CDYL2: variants seen among roughly 807,000 people sequenced by gnomAD.
CDYL2 encodes chromodomain Y like 2, also known as chromodomain Y-like protein 2.
Under a neutral mutation model 49.4 loss-of-function variants are expected in CDYL2, and 23 were observed. The observed-to-expected ratio is 0.47, with a 90% confidence interval of 0.34 to 0.66. The LOEUF is 0.66. Among genes scored for constraint, CDYL2 ranks in the 30% least tolerant of loss-of-function variants. The pLI, the probability that CDYL2 is intolerant of heterozygous loss-of-function variation, is 0.01. For missense variants in CDYL2, 678 were observed against 656.4 expected, an observed-to-expected ratio of 1.03 and a Z score of -0.36; for synonymous variants, 360 against 268.8, an observed-to-expected ratio of 1.34 and a Z score of -3.32.
chr16:80,613,208 G>C (rs557591077), intron 4 of CDYL2, among the ~76,000 whole-genome samples: 1 of 152,222 alleles, frequency 6.6e-6, no homozygotes, highest in Non-Finnish European at 1.5e-5. Context: ...TTAAGGTGCA[G>C]AAGCAGAACC....
intron 1 of CDYL2, among the ~76,000 whole-genome samples, chr16:80,797,214 G>A (rs889362112): frequency 6.6e-6 from 1 of 152,142 alleles, no homozygotes; most frequent in Admixed American, 6.5e-5. Flanking sequence ...ACTTGCTGCT[G>A]TGGACGTCTG....
At chr16:80,763,063 G>A (rs1055867542) in intron 1 of CDYL2, among the ~76,000 whole-genome samples, 2 of 152,270 alleles carry the variant, frequency 1.3e-5, no homozygotes, top group East Asian at 1.9e-4. Context: ...AGCTACTTGG[G>A]AGGCTGAGGC....
intron 1 of CDYL2, among the ~76,000 whole-genome samples, chr16:80,711,058 G>A (rs1038338945): frequency 6.6e-6 from 1 of 152,182 alleles, no homozygotes; most frequent in African/African-American, 2.4e-5. Context: ...TAGTCCCTTT[G>A]CAACTCACAA....
At chr16:80,609,468 G>A (rs1906498529) in intron 5 of CDYL2, among the ~76,000 whole-genome samples, 1 of 152,224 alleles carries the variant, frequency 6.6e-6, no homozygotes, top group Admixed American at 6.5e-5. Flanking sequence ...TCACGCCAGA[G>A]TAGAGGGCAA....
In CDYL2 at chr16:80,684,729, C is replaced by G; in HGVS notation, c.425G>C (p.Ser142Thr). The change falls in exon 2 of 7, where the codon AGT becomes ACT. Residue 142 changes from serine to threonine, a missense_variant. By Grantham distance (58) the Ser-to-Thr change is moderately conservative (BLOSUM62 1). Around this residue, in one of 3 missense-constraint regions of CDYL2, gnomAD observed 478 missense variants for 427.0 expected, o/e 1.12. Transcript: ENST00000570137. Reference protein sequence around the residue: ...TKTVSYRTTPSGLQIMPLKKS... With the variant: ...TKTVSYRTTPTGLQIMPLKKS... The stretch of plus-strand genomic sequence containing the variant: ...TTTCAGGGGCATTATTTGCAAACCA[C>G]TGGGGGTAGTCCTGTAAGACACCGT... The G allele has an allele frequency of 6.2e-7, 1 of 1,614,174 alleles. No homozygotes were observed. Among genetic ancestry groups the G allele is most frequent in the East Asian group, 2.2e-5 (1 of 44,870 alleles).
At chr16:80,659,043 G>A (rs1469878013) in intron 2 of CDYL2, among the ~76,000 whole-genome samples, 2 of 147,866 alleles carry the variant, frequency 1.4e-5, no homozygotes, top group Admixed American at 6.9e-5. Context: ...TTGTACTCAC[G>A]ATAGAGGTGA....
intron 1 of CDYL2, among the ~76,000 whole-genome samples, chr16:80,732,679 G>A (rs1439769182): frequency 4.6e-5 from 7 of 152,178 alleles, no homozygotes; most frequent in Admixed American, 4.6e-4. Context: ...TAACTAAGTA[G>A]ATTAATGTAT....
intron 4 of CDYL2, 64 bp downstream of exon 4, chr16:80,620,699 C>G (rs139706911): frequency 7.1e-7 from 1 of 1,407,630 alleles, no homozygotes; most frequent in Non-Finnish European, 9.5e-7. Context: ...AACTGAGCAG[C>G]CTGTATTTTT....
chr16:80,712,157 G>C (rs1414960505), intron 1 of CDYL2, among the ~76,000 whole-genome samples: 2 of 134,480 alleles, frequency 1.5e-5, no homozygotes, highest in African/African-American at 2.8e-5. Flanking sequence ...GTATATACAT[G>C]TGTGTATATA....
intron 2 of CDYL2, among the ~76,000 whole-genome samples, chr16:80,668,106 G>A (rs1909345414): frequency 6.6e-6 from 1 of 152,250 alleles, no homozygotes; most frequent in Admixed American, 6.5e-5. Context: ...TCCCTTTGTA[G>A]GCAGCCCAGA....
chr16:80,723,697 A>G (rs1438090277), intron 1 of CDYL2, among the ~76,000 whole-genome samples: 1 of 152,246 alleles, frequency 6.6e-6, no homozygotes, highest in East Asian at 1.9e-4. Flanking sequence ...CAGCTGTGCC[A>G]TTCGTTTACA....
intron 2 of CDYL2, among the ~76,000 whole-genome samples, chr16:80,684,255 T>C (rs746907730): frequency 3.3e-4 from 51 of 152,272 alleles, no homozygotes; most frequent in Admixed American, 6.5e-4. Flanking sequence ...GGGGTTACCA[T>C]GGCCTTGGGT....
At position 80,601,601 on chromosome 16, in the gene CDYL2, C is replaced by G. The variant is rs1273155283; in HGVS notation, c.*2787G>C. On this transcript the variant is annotated 3_prime_UTR_variant, in exon 7 of 7. Transcript: ENST00000570137. Reference sequence around the variant, plus strand: ...AAAGCTATTAGGATAAACCCTGACACAACCAGAGGTCTGGTATTTTCCATC... The same window carrying G: ...AAAGCTATTAGGATAAACCCTGACAGAACCAGAGGTCTGGTATTTTCCATC... 1 of 152,160 alleles carries G rather than the reference C, an allele frequency of 6.6e-6. No individual in the cohort carries two copies. Among genetic ancestry groups the G allele is most frequent in the East Asian group, 1.9e-4 (1 of 5,190 alleles). 9.4% of individuals were successfully genotyped at this position (152,160 alleles called of 1,614,324 possible). A position where few individuals can be genotyped will look rare whatever the true frequency, so the allele number is the denominator to read the frequency against.
intron 2 of CDYL2, among the ~76,000 whole-genome samples, chr16:80,660,113 C>T (rs182135702): frequency 5.9e-4 from 89 of 152,058 alleles, no homozygotes; most frequent in African/African-American, 1.8e-3. Flanking sequence ...TAAAGGACCA[C>T]ATAAATGGAC....
intron 2 of CDYL2, among the ~76,000 whole-genome samples, chr16:80,675,543 C>A (rs1425352979): frequency 6.6e-6 from 1 of 152,180 alleles, no homozygotes; most frequent in African/African-American, 2.4e-5. Context: ...TGAAGACTGG[C>A]TGCTTTGTGT....
intron 1 of CDYL2, among the ~76,000 whole-genome samples, chr16:80,773,186 A>G (rs1408582859): frequency 2.0e-5 from 3 of 152,306 alleles, no homozygotes; most frequent in Admixed American, 2.0e-4. Flanking sequence ...TAAAACAAAA[A>G]GTTTAACTAG....
chr16:80,632,894 GT>G, intron 3 of CDYL2, 124 bp downstream of exon 3: 2 of 907,636 alleles, frequency 2.2e-6, no homozygotes, highest in South Asian at 3.2e-5. Context: ...CTGCAGTCAA[GT>G]TTTTATGCAC....
Position 80,604,329 on chromosome 16 carries a change from C to A in CDYL2, c.*59G>T. On this transcript the variant is annotated 3_prime_UTR_variant, in exon 7 of 7. Transcript: ENST00000570137. ...CTCCTTGGCCGGGGCAGACACTGTG[C>A]TCTGGTTTCCGAAACACAGGGCAGA... 6.3e-7 allele frequency: 1 copy of A among 1,592,644 alleles called. No homozygotes were observed. The highest frequency in any genetic ancestry group is 1.7e-5 in the Admixed American group (1 of 59,550).
chr16:80,792,596 C>T (rs1344212152), intron 1 of CDYL2, among the ~76,000 whole-genome samples: 1 of 152,118 alleles, frequency 6.6e-6, no homozygotes, highest in African/African-American at 2.4e-5. Context: ...AAAGTACAAC[C>T]AAGGTGACAG....
Sources: gnomAD v4.1 joint callset for allele counts (sites outside exome capture counted in the v4.1 genomes callset) on GRCh38, gnomAD v4.1.1 for gene constraint, gnomAD v4.1.1 regional missense constraint, MANE v1.5 for transcripts, NCBI Gene and HGNC (gene_info 2026-07-23, HGNC 2026-07-21) for gene names.